Variants in PHC2 observed in about 807,000 individuals in gnomAD.
PHC2 encodes the protein polyhomeotic-like protein 2.
PHC2 carries 29 observed loss-of-function variants against 87.4 expected under a neutral mutation model. The observed-to-expected ratio is 0.33, with a 90% confidence interval of 0.25 to 0.45. The LOEUF is 0.45. Among genes scored for constraint, PHC2 ranks in the 20% least tolerant of loss-of-function variants. The probability of loss-of-function intolerance (pLI) is 1.00; values close to 1 mark genes in which losing one functional copy is unlikely to be tolerated. For synonymous variants in PHC2, 438 were observed against 461.7 expected, an observed-to-expected ratio of 0.95 and a Z score of 0.66; for missense variants, 857 against 1,136.7, an observed-to-expected ratio of 0.75 and a Z score of 3.54.
At chr1:33,430,945 TG>T (rs1650895167) in intron 1 of PHC2, 30 bp downstream of exon 1, 1 of 151,304 alleles carries the variant, frequency 6.6e-6, no homozygotes, top group Non-Finnish European at 1.5e-5. Flanking sequence ...AGCCGCGAGC[TG>T]GCCCCAGCGC....
At chr1:33,403,935 C>T (rs551375450) in intron 1 of PHC2, among the ~76,000 whole-genome samples, 1 of 152,254 alleles carries the variant, frequency 6.6e-6, no homozygotes, top group Non-Finnish European at 1.5e-5. Flanking sequence ...ATTGGAGCTC[C>T]TTAAGATACA....
intron 9 of PHC2, chr1:33,346,230 G>C: frequency 1.0e-6 from 1 of 984,856 alleles, no homozygotes; most frequent in South Asian, 4.7e-5. Context: ...GGGGACTGGG[G>C]GGAGGTGGGG....
In PHC2 at chr1:33,384,132, T is replaced by C. The variant is rs187250431; in HGVS notation, c.-54-8539A>G. On this transcript the variant is annotated intron_variant, in intron 1 of 14. Coordinates refer to ENST00000683057, the MANE Select transcript of PHC2 (RefSeq NM_001385109.1). ...ATTAAAAACAGCCTCGTTAATATCA[T>C]GGCTTTGTATGCTCCAAGGCAAGGC... 2.1e-3 allele frequency among the ~76,000 whole-genome samples: 324 copies of C among 152,336 alleles called. 1 individual carries two copies. Among genetic ancestry groups the C allele is most frequent in the Non-Finnish European group, 3.9e-3 (265 of 68,020 alleles).
At chr1:33,342,805 T>C (rs905888238) in intron 9 of PHC2, among the ~76,000 whole-genome samples, 2 of 152,148 alleles carry the variant, frequency 1.3e-5, no homozygotes. Flanking sequence ...GGCTCCCAGA[T>C]AGTCTCACAT....
chr1:33,375,696 A>G (rs1570497818), intron 1 of PHC2, 103 bp from the exon 2 acceptor site: 7 of 658,698 alleles, frequency 1.1e-5, no homozygotes, highest in Non-Finnish European at 1.4e-5. Context: ...CATGGATTCA[A>G]CCAACCACAG....
intron 1 of PHC2, among the ~76,000 whole-genome samples, chr1:33,390,736 T>C (rs1649011950): frequency 6.6e-6 from 1 of 151,916 alleles, no homozygotes; most frequent in Non-Finnish European, 1.5e-5. Context: ...GGTTAGGCCT[T>C]GTACACCACA....
Position 33,331,577 on chromosome 1 carries a change from T to C in PHC2, c.1892-115A>G. 1 of 661,222 alleles carries C rather than the reference T, an allele frequency of 1.5e-6. No individual in the cohort carries two copies. The allele number at this position is 661,222 out of a possible 1,614,324, so 41.0% of individuals were successfully genotyped here. A position where few individuals can be genotyped will look rare whatever the true frequency, so the allele number is the denominator to read the frequency against. Reference sequence around the variant, plus strand: ...TGCCTGGTCCTCCTGCTCCCACAGCTGTGACATACAGCAGCATTCTAGCAT... The same window carrying C: ...TGCCTGGTCCTCCTGCTCCCACAGCCGTGACATACAGCAGCATTCTAGCAT... On this transcript the variant is annotated intron_variant, in intron 11 of 14. Transcript: ENST00000683057. This position sits in a 1 kb window ranked among gnomAD's most constrained non-coding sequence, Gnocchi z 5.2.
At chr1:33,356,628 G>A (rs1164158965) in intron 7 of PHC2, among the ~76,000 whole-genome samples, 3 of 152,180 alleles carry the variant, frequency 2.0e-5, no homozygotes, top group Non-Finnish European at 4.4e-5. Context: ...TAGATTAACA[G>A]CATCCCAAGG....
intron 1 of PHC2, among the ~76,000 whole-genome samples, chr1:33,389,847 A>C (rs961251035): frequency 2.0e-5 from 3 of 152,116 alleles, no homozygotes; most frequent in Non-Finnish European, 4.4e-5. Context: ...TTGTATTTCT[A>C]ACCTGTTCCC....
intron 1 of PHC2, among the ~76,000 whole-genome samples, chr1:33,386,045 C>T (rs1215280453): frequency 6.6e-6 from 1 of 151,788 alleles, no homozygotes; most frequent in Non-Finnish European, 1.5e-5. Context: ...GATCCACCTG[C>T]CTCGGCCTCC....
intron 1 of PHC2, among the ~76,000 whole-genome samples, chr1:33,425,726 A>C (rs1409710117): frequency 6.6e-6 from 1 of 152,242 alleles, no homozygotes; most frequent in East Asian, 1.9e-4. Flanking sequence ...ACAGTGCCTT[A>C]TGGAGACCAT....
intron 1 of PHC2, among the ~76,000 whole-genome samples, chr1:33,402,712 A>G (rs1649589304): frequency 6.6e-6 from 1 of 152,256 alleles, no homozygotes; most frequent in South Asian, 2.1e-4. Flanking sequence ...ATACAGTATA[A>G]TTCCATTTAT....
At chr1:33,388,687 A>T (rs573975032) in intron 1 of PHC2, among the ~76,000 whole-genome samples, 1 of 152,310 alleles carries the variant, frequency 6.6e-6, no homozygotes, top group South Asian at 2.1e-4. Context: ...AAAAATACGT[A>T]GAAAGAAAAC....
At chr1:33,335,969 CAT>C in intron 9 of PHC2, among the ~76,000 whole-genome samples, 1 of 130,290 alleles carries the variant, frequency 7.7e-6, no homozygotes, top group Non-Finnish European at 1.6e-5. Flanking sequence ...CACTCAAGCT[CAT>C]GTTTTTGTTG....
At chr1:33,394,057 T>G (rs1232805091) in intron 1 of PHC2, among the ~76,000 whole-genome samples, 1 of 152,174 alleles carries the variant, frequency 6.6e-6, no homozygotes, top group African/African-American at 2.4e-5. Context: ...TGGATAACTC[T>G]ATTTCCACTC....
chr1:33,396,010 G>A (rs1256933998), intron 1 of PHC2, among the ~76,000 whole-genome samples: 1 of 152,150 alleles, frequency 6.6e-6, no homozygotes, highest in Non-Finnish European at 1.5e-5. Context: ...ATGGCCTCAT[G>A]GGACAAAATA....
At chr1:33,340,930 G>A (rs1219274595) in intron 9 of PHC2, among the ~76,000 whole-genome samples, 1 of 136,670 alleles carries the variant, frequency 7.3e-6, no homozygotes, top group Non-Finnish European at 1.6e-5. Flanking sequence ...GGGGGAGGGG[G>A]TGGGTAGTGA....
intron 1 of PHC2, among the ~76,000 whole-genome samples, chr1:33,407,910 C>G (rs1408472): frequency 6.6e-6 from 1 of 151,946 alleles, no homozygotes; most frequent in Non-Finnish European, 1.5e-5. Flanking sequence ...CAGGAGCTGG[C>G]ATTCCTGATA....
chr1:33,392,147 A>G (rs547675721), intron 1 of PHC2, among the ~76,000 whole-genome samples: 88 of 147,868 alleles, frequency 6.0e-4, no homozygotes, highest in African/African-American at 2.0e-3. Flanking sequence ...TAGGTGCTTC[A>G]GCTGTGTGCA....
Sources: gnomAD v4.1 joint callset for allele counts (sites outside exome capture counted in the v4.1 genomes callset) on GRCh38, gnomAD v4.1.1 for gene constraint, Gnocchi (gnomAD v3.1) non-coding constraint, MANE v1.5 for transcripts, NCBI Gene and HGNC (gene_info 2026-07-23, HGNC 2026-07-21) for gene names.